Variants in ARHGAP10 observed in about 807,000 individuals in gnomAD.
ARHGAP10 encodes Rho GTPase activating protein 10, also known as rho GTPase-activating protein 10.
In ARHGAP10, 87 loss-of-function variants were observed where a neutral mutation model predicts 108.6. The ratio of observed to expected loss-of-function variants is 0.80; its 90% CI spans 0.67 to 0.96. The LOEUF (loss-of-function observed/expected upper bound fraction) is 0.96. ARHGAP10 is among the 40% of genes least tolerant of loss of function. The pLI is 0.00. For synonymous variants in ARHGAP10, 347 were observed against 341.1 expected, an observed-to-expected ratio of 1.02 and a Z score of -0.19; for missense variants, 939 against 954.5, an observed-to-expected ratio of 0.98 and a Z score of 0.21.
intron 13 of ARHGAP10, 37 bp from the exon 14 acceptor site, chr4:147,939,788 G>A: frequency 6.5e-7 from 1 of 1,543,372 alleles, no homozygotes; most frequent in Non-Finnish European, 9.0e-7. Flanking sequence ...AAATATGATA[G>A]TCTTCTATTT....
chr4:147,857,839 T>A, intron 5 of ARHGAP10, 185 bp downstream of exon 5: 1 of 382,052 alleles, frequency 2.6e-6, no homozygotes, highest in Non-Finnish European at 4.2e-6. Context: ...TGAATACATC[T>A]TATAGTGATT....
chr4:147,818,694 A>G (rs570505263), intron 1 of ARHGAP10, among the ~76,000 whole-genome samples: 1 of 152,306 alleles, frequency 6.6e-6, no homozygotes, highest in African/African-American at 2.4e-5. Context: ...TTTTATGTGC[A>G]ATGATATTGG....
intron 10 of ARHGAP10, among the ~76,000 whole-genome samples, chr4:147,902,880 A>G (rs565250266): frequency 1.6e-5 from 2 of 127,888 alleles, no homozygotes; most frequent in East Asian, 5.4e-4. Context: ...TATGTCTTAC[A>G]TGGCCAGATC....
At chr4:147,834,111 C>T (rs1320154028) in intron 3 of ARHGAP10, among the ~76,000 whole-genome samples, 2 of 152,200 alleles carry the variant, frequency 1.3e-5, no homozygotes, top group African/African-American at 2.4e-5. Context: ...GTGGGGGACC[C>T]AGGTCTCTCT....
chr4:147,966,717 G>C lies in ARHGAP10; in HGVS notation c.1594G>C (p.Ala532Pro), dbSNP rs370860233. ...CTCCAAGCAGAACCTGATGACTGTG[G>C]CAAACTTAGGAGTGGTGTTTGGACC... ...NHSKQNLMTV[A>P]NLGVVFGPTL... Residue 532 changes from alanine to proline, a missense_variant, in exon 18 of 23, where the codon GCA becomes CCA. Physicochemically the swap from Ala to Pro is conservative, Grantham distance 27. Coordinates refer to ENST00000336498, the MANE Select transcript of ARHGAP10 (RefSeq NM_024605.4). 3.8e-6 allele frequency: 6 copies of C among 1,592,998 alleles called. No individual in the cohort carries two copies. Among genetic ancestry groups the C allele is most frequent in the Non-Finnish European group, 4.3e-6 (5 of 1,166,020 alleles).
chr4:147,965,618 C>T (rs941395294), intron 17 of ARHGAP10, among the ~76,000 whole-genome samples: 23 of 152,088 alleles, frequency 1.5e-4, no homozygotes, highest in African/African-American at 4.8e-4. Context: ...GAATTTTAGA[C>T]GTGAAAGGAA....
intron 1 of ARHGAP10, among the ~76,000 whole-genome samples, chr4:147,733,797 C>G (rs931475392): frequency 2.2e-4 from 33 of 152,320 alleles, no homozygotes; most frequent in African/African-American, 7.7e-4. Flanking sequence ...CTCAACTTCT[C>G]TGGATGATCT....
intron 15 of ARHGAP10, among the ~76,000 whole-genome samples, chr4:147,949,452 T>C (rs1280185574): frequency 6.6e-6 from 1 of 152,208 alleles, no homozygotes; most frequent in Non-Finnish European, 1.5e-5. Flanking sequence ...CAGTGGGATG[T>C]TTGGCCATGT....
intron 10 of ARHGAP10, among the ~76,000 whole-genome samples, chr4:147,885,716 C>G (rs544434382): frequency 5.1e-4 from 78 of 152,318 alleles, no homozygotes; most frequent in African/African-American, 1.7e-3. Context: ...TCTGGTTCTC[C>G]CTCAGATCTC....
At chr4:147,867,970 G>A (rs2126849840) in intron 7 of ARHGAP10, among the ~76,000 whole-genome samples, 1 of 147,624 alleles carries the variant, frequency 6.8e-6, no homozygotes, top group East Asian at 2.0e-4. Context: ...AAGGAGTGTA[G>A]CTGATAAAAC....
chr4:147,895,640 C>T (rs946187175), intron 10 of ARHGAP10, among the ~76,000 whole-genome samples: 6 of 150,520 alleles, frequency 4.0e-5, no homozygotes, highest in Non-Finnish European at 7.4e-5. Flanking sequence ...GAGCCATAAT[C>T]GTGTCACTGT....
At chr4:148,042,839 A>G (rs1383788675) in intron 19 of ARHGAP10, among the ~76,000 whole-genome samples, 3 of 152,208 alleles carry the variant, frequency 2.0e-5, no homozygotes, top group African/African-American at 7.2e-5. Flanking sequence ...TTGTGGCTCA[A>G]AACGGGAGAG....
At chr4:147,790,926 C>T (rs1731091563) in intron 1 of ARHGAP10, among the ~76,000 whole-genome samples, 1 of 152,026 alleles carries the variant, frequency 6.6e-6, no homozygotes, top group South Asian at 2.1e-4. Context: ...CCTGTGACCC[C>T]TCCTCATCCT....
At chr4:147,900,594 G>A (rs1352901061) in intron 10 of ARHGAP10, among the ~76,000 whole-genome samples, 1 of 152,102 alleles carries the variant, frequency 6.6e-6, no homozygotes, top group Non-Finnish European at 1.5e-5. Flanking sequence ...ATTGTAGTGT[G>A]GTTTAAGTGA....
At chr4:147,924,270 A>T (rs1353787941) in intron 13 of ARHGAP10, among the ~76,000 whole-genome samples, 2 of 151,996 alleles carry the variant, frequency 1.3e-5, no homozygotes, top group African/African-American at 4.8e-5. Context: ...CCTTGCCTTT[A>T]CCCCTCGTCC....
intron 20 of ARHGAP10, among the ~76,000 whole-genome samples, chr4:148,053,334 G>A (rs1056212571): frequency 6.6e-6 from 1 of 152,232 alleles, no homozygotes; most frequent in African/African-American, 2.4e-5. Flanking sequence ...AGCCATGGCT[G>A]TCAACTGGTC....
At chr4:148,000,424 C>A (rs1156623588) in intron 18 of ARHGAP10, among the ~76,000 whole-genome samples, 1 of 152,124 alleles carries the variant, frequency 6.6e-6, no homozygotes, top group Non-Finnish European at 1.5e-5. Flanking sequence ...GATTTATAAT[C>A]CTTTGTGTAC....
intron 11 of ARHGAP10, among the ~76,000 whole-genome samples, chr4:147,908,142 C>G (rs1736576561): frequency 6.6e-6 from 1 of 152,144 alleles, no homozygotes; most frequent in Non-Finnish European, 1.5e-5. Context: ...CCACACCCAG[C>G]CTTATTTCTA....
rs1402759834 is a variant in ARHGAP10 at position 147,732,284 on chromosome 4, G to A, written c.-18G>A. The stretch of plus-strand genomic sequence containing the variant: ...AGGAGCGCGCGGCCGTGCGCACCGC[G>A]CAGCGACCGCTGCCGTCATGGGGCT... On this transcript the variant is annotated 5_prime_UTR_variant, in exon 1 of 23. Transcript: ENST00000336498. 1.9e-6 allele frequency: 3 copies of A among 1,589,658 alleles called. No individual in the cohort carries two copies. The highest frequency in any genetic ancestry group is 8.5e-7 in the Non-Finnish European group (1 of 1,170,716).
Sources: gnomAD v4.1 joint callset for allele counts (sites outside exome capture counted in the v4.1 genomes callset) on GRCh38, gnomAD v4.1.1 for gene constraint, MANE v1.5 for transcripts, NCBI Gene and HGNC (gene_info 2026-07-23, HGNC 2026-07-21) for gene names.